Variants in RALGAPA2 observed in about 807,000 individuals in gnomAD.
RALGAPA2 encodes the protein ral GTPase-activating protein subunit alpha-2.
In RALGAPA2, 139 loss-of-function variants were observed where a neutral mutation model predicts 230.4. That is an observed-to-expected ratio of 0.60 (90% CI 0.53 to 0.69). The LOEUF (loss-of-function observed/expected upper bound fraction) is 0.69, where lower values mean the gene tolerates loss of function less well. Ranked by LOEUF, RALGAPA2 falls within the 30% of genes least tolerant of loss-of-function variation. RALGAPA2 has a pLI of 0.00. For missense variants in RALGAPA2, 2,163 were observed against 2,276.0 expected, an observed-to-expected ratio of 0.95 and a Z score of 1.01; for synonymous variants, 847 against 837.8, an observed-to-expected ratio of 1.01 and a Z score of -0.19.
intron 37 of RALGAPA2, among the ~76,000 whole-genome samples, chr20:20,419,064 A>C (rs1004461889): frequency 4.6e-5 from 7 of 152,298 alleles, no homozygotes; most frequent in South Asian, 4.1e-4. Flanking sequence ...AAACAGGTTA[A>C]GTGAAACATA....
At chr20:20,655,391 G>A (rs1416639374) in intron 3 of RALGAPA2, among the ~76,000 whole-genome samples, 1 of 152,164 alleles carries the variant, frequency 6.6e-6, no homozygotes, top group East Asian at 1.9e-4. Flanking sequence ...AAGGGGGAAA[G>A]AGCTTCACCT....
intron 2 of RALGAPA2, among the ~76,000 whole-genome samples, chr20:20,679,228 G>A (rs1190455150): frequency 6.6e-6 from 1 of 151,886 alleles, no homozygotes. Flanking sequence ...TCCAAATCTG[G>A]CTCCCCTCCA....
chr20:20,582,383 C>T (rs989480097), intron 20 of RALGAPA2, among the ~76,000 whole-genome samples: 2 of 152,060 alleles, frequency 1.3e-5, no homozygotes, highest in African/African-American at 2.4e-5. Flanking sequence ...AGCAATTCCT[C>T]GGAGGTGCCT....
chr20:20,629,496 A>G lies in RALGAPA2; in HGVS notation c.1100T>C (p.Leu367Ser). ...QDKSHSNSST[L>S]SDRRLSNSSL... ...GGAGTTGCTGAGTCTTCGGTCCGAC[A>G]AGGTGCTGCTGTTAGAATGGCTTTT... is the stretch of plus-strand genomic sequence containing the variant. The change falls in exon 10 of 40, where the codon TTG (leucine) becomes TCG (serine). Residue 367 changes from leucine (L) to serine (S), a missense_variant. Transcript: ENST00000202677. 6.2e-7 allele frequency: 1 copy of G among 1,613,962 alleles called. No homozygotes were observed.
chr20:20,437,424 C>T lies in RALGAPA2; in HGVS notation c.5496-25276G>A, dbSNP rs1009903109. On this transcript the variant is annotated intron_variant, in intron 37 of 39. Transcript: ENST00000202677. The surrounding 1 kb of genome is among the most constrained non-coding windows in gnomAD (Gnocchi z 4.1). ...TCCTACCTCTTCTGGCCTCTGTACCCAGCAGCAGGAGGCTTTCAGGGATGG... is the reference window on the plus strand; with the variant it reads ...TCCTACCTCTTCTGGCCTCTGTACCTAGCAGCAGGAGGCTTTCAGGGATGG... Among the ~76,000 whole-genome samples, 3 of 152,214 alleles carry T rather than the reference C, an allele frequency of 2.0e-5. No individual in the cohort carries two copies. The highest frequency in any genetic ancestry group is 2.0e-4 in the Admixed American group (3 of 15,288).
At chr20:20,561,446 C>A (rs1182513481) in intron 23 of RALGAPA2, among the ~76,000 whole-genome samples, 1 of 152,224 alleles carries the variant, frequency 6.6e-6, no homozygotes, top group African/African-American at 2.4e-5. Context: ...TTTGCAGATG[C>A]AGGCCACACA....
intron 1 of RALGAPA2, among the ~76,000 whole-genome samples, chr20:20,690,692 TCTGCCTGGTAAGGCTTTTG>T (rs2068871034): frequency 6.6e-6 from 1 of 152,096 alleles, no homozygotes; most frequent in Non-Finnish European, 1.5e-5. Context: ...TTCCTTGCAG[TCTGCCTGGTAAGGCTTTTG>T]TCTTCCTCCT....
chr20:20,698,309 C>T (rs369950508), intron 1 of RALGAPA2, among the ~76,000 whole-genome samples: 1 of 150,802 alleles, frequency 6.6e-6, no homozygotes, highest in African/African-American at 2.4e-5. Flanking sequence ...CTCACTCTGT[C>T]GTCCAGGCTG....
chr20:20,516,468 A>C (rs1236447385), intron 31 of RALGAPA2, among the ~76,000 whole-genome samples: 3 of 152,252 alleles, frequency 2.0e-5, no homozygotes, highest in Non-Finnish European at 4.4e-5. Context: ...CTGCCCAGGA[A>C]GGAGAAAATG....
intron 15 of RALGAPA2, among the ~76,000 whole-genome samples, chr20:20,603,499 TG>T: frequency 6.6e-6 from 1 of 152,290 alleles, no homozygotes; most frequent in Non-Finnish European, 1.5e-5. Flanking sequence ...GTAGCAAAAC[TG>T]AACAAGCAGA....
chr20:20,698,863 A>G (rs1351496267), intron 1 of RALGAPA2, among the ~76,000 whole-genome samples: 1 of 152,250 alleles, frequency 6.6e-6, no homozygotes. Context: ...GTATTAACAA[A>G]TGACTTTTCA....
chr20:20,454,821 T>C (rs2061072250), intron 37 of RALGAPA2, among the ~76,000 whole-genome samples: 1 of 152,268 alleles, frequency 6.6e-6, no homozygotes, highest in Admixed American at 6.5e-5. Flanking sequence ...AGAGTAAGAA[T>C]GCTCTTCAGT....
At chr20:20,678,336 A>G (rs1393071028) in intron 2 of RALGAPA2, among the ~76,000 whole-genome samples, 2 of 152,154 alleles carry the variant, frequency 1.3e-5, no homozygotes, top group African/African-American at 4.8e-5. Flanking sequence ...GTTCTTCACT[A>G]TGATTCTTTG....
chr20:20,628,226 G>C (rs556971190), intron 10 of RALGAPA2, among the ~76,000 whole-genome samples: 116 of 152,076 alleles, frequency 7.6e-4, no homozygotes, highest in African/African-American at 2.8e-3. Flanking sequence ...AGAAGTGAGA[G>C]GGCCAAACAT....
intron 2 of RALGAPA2, among the ~76,000 whole-genome samples, chr20:20,678,910 A>T (rs958785988): frequency 1.3e-5 from 2 of 152,082 alleles, no homozygotes; most frequent in African/African-American, 2.4e-5. Context: ...ATGCACCAAT[A>T]GGCTGACTCT....
At chr20:20,661,362 GTTGGTCAGGCTGGTCTTGA>G (rs2067770455) in intron 3 of RALGAPA2, among the ~76,000 whole-genome samples, 1 of 152,122 alleles carries the variant, frequency 6.6e-6, no homozygotes, top group Admixed American at 6.5e-5. Context: ...GTTTCTCCAT[GTTGGTCAGGCTGGTCTTGA>G]ACTCTTGGCC....
At chr20:20,461,158 T>C (rs1411618599) in intron 37 of RALGAPA2, among the ~76,000 whole-genome samples, 11 of 152,256 alleles carry the variant, frequency 7.2e-5, no homozygotes, top group Non-Finnish European at 1.0e-4. Context: ...AGTCTTCTGA[T>C]GTGCATATGT....
At chr20:20,651,473 T>C (rs1373254285) in intron 4 of RALGAPA2, among the ~76,000 whole-genome samples, 1 of 152,196 alleles carries the variant, frequency 6.6e-6, no homozygotes, top group Admixed American at 6.5e-5. Context: ...ATACTGCTAT[T>C]AGATGGCTCA....
rs574670708 is a variant in RALGAPA2 at position 20,533,135 on chromosome 20, T to C, written c.3474-1340A>G. 2.0e-5 allele frequency among the ~76,000 whole-genome samples: 3 copies of C among 151,728 alleles called. No individual in the cohort carries two copies. In the South Asian group the frequency reaches 6.2e-4, roughly 31 times the overall value. On this transcript the variant is annotated intron_variant, in intron 26 of 39. Transcript: ENST00000202677. ...ATATTATACCTTATTTTTAATAGGA[T>C]CTTTCTTTCCTATTAAAAATAAAGT...
Sources: gnomAD v4.1 joint callset for allele counts (sites outside exome capture counted in the v4.1 genomes callset) on GRCh38, gnomAD v4.1.1 for gene constraint, Gnocchi (gnomAD v3.1) non-coding constraint, MANE v1.5 for transcripts, NCBI Gene and HGNC (gene_info 2026-07-23, HGNC 2026-07-21) for gene names.